SYNPR: variants seen among roughly 807,000 people sequenced by gnomAD.
SYNPR encodes the protein synaptoporin.
SYNPR carries 23 observed loss-of-function variants against 32.9 expected under a neutral mutation model. The observed-to-expected ratio is 0.70, with a 90% confidence interval of 0.50 to 0.99. The LOEUF (loss-of-function observed/expected upper bound fraction) is 0.99, where lower values mean the gene tolerates loss of function less well. Among genes scored for constraint, SYNPR ranks in the 50% least tolerant of loss-of-function variants. SYNPR has a pLI of 0.00. For synonymous variants in SYNPR, 146 were observed against 135.9 expected (o/e 1.07, Z -0.52); for missense variants, 318 against 349.3 (o/e 0.91, Z 0.71).
Position 63,300,699 on chromosome 3 carries a change from G to A in SYNPR, c.84+21957G>A, listed in dbSNP as rs575113659. ...TGGGATACAAAAGCCTAGCTTCCTT[G>A]CCTCAGGGTGGGACCAACTCTGGTA... On this transcript the variant is annotated intron_variant, in intron 2 of 5. Transcript: ENST00000478300. Among the ~76,000 whole-genome samples the A allele has an allele frequency of 2.6e-5, 4 of 152,148 alleles. No individual in the cohort carries two copies. In the East Asian group the frequency reaches 5.8e-4, roughly 22 times the overall value.
chr3:63,268,163 A>G (rs1026441759), intron 3 of SYNPR, among the ~76,000 whole-genome samples: 5 of 152,216 alleles, frequency 3.3e-5, no homozygotes, highest in Admixed American at 1.3e-4. Flanking sequence ...GACAGCCTTT[A>G]TTAAAGATTC....
At chr3:63,281,431 C>T (rs770073511) in intron 2 of SYNPR, among the ~76,000 whole-genome samples, 7 of 152,124 alleles carry the variant, frequency 4.6e-5, no homozygotes, top group Non-Finnish European at 7.3e-5. Context: ...TAACAAAACA[C>T]CATAAACTGG....
intron 4 of SYNPR, among the ~76,000 whole-genome samples, chr3:63,598,762 C>T (rs866576120): frequency 1.3e-5 from 2 of 152,122 alleles, no homozygotes; most frequent in African/African-American, 4.8e-5. Context: ...GCAGCCTCTT[C>T]ACTCTATGGG....
chr3:63,463,920 T>A (rs1235782386), intron 2 of SYNPR, among the ~76,000 whole-genome samples: 3 of 152,220 alleles, frequency 2.0e-5, no homozygotes, highest in African/African-American at 7.2e-5. Context: ...TTGATTCTGC[T>A]TCCTTTCACT....
chr3:63,494,421 A>ATATATATATATATATACACG (rs1701322605), intron 3 of SYNPR, among the ~76,000 whole-genome samples: 2 of 20,888 alleles, frequency 9.6e-5, no homozygotes, highest in East Asian at 1.2e-3. Context: ...ATATATACGT[A>ATATATATATATATATACACG]TATATATATA....
intron 2 of SYNPR, among the ~76,000 whole-genome samples, chr3:63,261,742 A>ATAAT: frequency 6.7e-6 from 1 of 148,402 alleles, no homozygotes; most frequent in South Asian, 2.1e-4. Context: ...AATAATAGTA[A>ATAAT]AACAAACCAT....
intron 3 of SYNPR, among the ~76,000 whole-genome samples, chr3:63,487,115 C>T (rs1453921537): frequency 2.0e-5 from 3 of 152,046 alleles, no homozygotes. Flanking sequence ...ATGTCATAAC[C>T]ACTGCGTCAA....
intron 3 of SYNPR, among the ~76,000 whole-genome samples, chr3:63,544,429 A>G (rs544565616): frequency 1.3e-5 from 2 of 152,086 alleles, no homozygotes; most frequent in African/African-American, 4.8e-5. Flanking sequence ...ACAGGATAAT[A>G]CCTTTTCAGT....
intron 2 of SYNPR, among the ~76,000 whole-genome samples, chr3:63,467,317 T>C (rs1700703462): frequency 6.6e-6 from 1 of 152,240 alleles, no homozygotes; most frequent in Non-Finnish European, 1.5e-5. Context: ...TCTTAAAGAA[T>C]GAGCAAGATA....
chr3:63,313,241 C>T (rs909413051), intron 2 of SYNPR, among the ~76,000 whole-genome samples: 1 of 151,820 alleles, frequency 6.6e-6, no homozygotes, highest in Admixed American at 6.6e-5. Context: ...TTATTTTTTA[C>T]TGGGGTACGG....
intron 3 of SYNPR, among the ~76,000 whole-genome samples, chr3:63,500,644 C>T (rs930577046): frequency 1.3e-5 from 2 of 152,144 alleles, no homozygotes; most frequent in Non-Finnish European, 2.9e-5. Context: ...CATTTTAAAA[C>T]CAAAAAGAAT....
At chr3:63,506,900 A>G (rs896773387) in intron 3 of SYNPR, among the ~76,000 whole-genome samples, 1 of 152,192 alleles carries the variant, frequency 6.6e-6, no homozygotes, top group African/African-American at 2.4e-5. Context: ...GATACCAAAT[A>G]GACTGCAGAC....
chr3:63,309,760 C>A (rs1480575319), intron 2 of SYNPR, among the ~76,000 whole-genome samples: 1 of 151,942 alleles, frequency 6.6e-6, no homozygotes, highest in African/African-American at 2.4e-5. Context: ...CACTCCTATG[C>A]TGAATACTCA....
intron 4 of SYNPR, among the ~76,000 whole-genome samples, chr3:63,586,521 A>C (rs7642139): frequency 0.16 from 24,556 of 151,898 alleles, 2,500 homozygotes; most frequent in African/African-American, 0.29. Flanking sequence ...CCAGCCATTG[A>C]ATTATCTTTA....
At chr3:63,271,797 C>T (rs1317349249) in intron 3 of SYNPR, among the ~76,000 whole-genome samples, 1 of 151,862 alleles carries the variant, frequency 6.6e-6, no homozygotes, top group African/African-American at 2.4e-5. Context: ...ATTTATATAG[C>T]ATCTATATAT....
At chr3:63,462,086 C>T (rs1700593953) in intron 2 of SYNPR, among the ~76,000 whole-genome samples, 1 of 152,096 alleles carries the variant, frequency 6.6e-6, no homozygotes. Flanking sequence ...AGCTTCCTTT[C>T]CTTTCCCCAA....
At chr3:63,567,206 T>A (rs557836919) in intron 4 of SYNPR, among the ~76,000 whole-genome samples, 1 of 152,190 alleles carries the variant, frequency 6.6e-6, no homozygotes, top group East Asian at 1.9e-4. Context: ...GGCACTCAGA[T>A]CTCATGGTTT....
At position 63,333,058 on chromosome 3, in the gene SYNPR, A is replaced by G. The variant is rs181484797; in HGVS notation, c.84+54316A>G. On this transcript the variant is annotated intron_variant, in intron 2 of 5. Transcript: ENST00000478300. ...ATCACTGGCTGAGAACCACTGCCTT[A>G]GAATAATAAGTCATATCCTAAAAAC... 2.8e-3 allele frequency among the ~76,000 whole-genome samples: 420 copies of G among 152,300 alleles called. 1 individual carries two copies. Among genetic ancestry groups the G allele is most frequent in the Non-Finnish European group, 4.8e-3 (329 of 68,022 alleles).
chr3:63,512,951 C>A (rs1701726436), intron 3 of SYNPR, among the ~76,000 whole-genome samples: 1 of 151,990 alleles, frequency 6.6e-6, no homozygotes, highest in Admixed American at 6.6e-5. Context: ...GTTTTCAACC[C>A]AGCCTCTATT....
Sources: allele counts gnomAD v4.1 joint callset (sites outside exome capture counted in the v4.1 genomes callset), GRCh38; gene constraint gnomAD v4.1.1; transcripts MANE v1.5; gene names NCBI Gene and HGNC (gene_info 2026-07-23, HGNC 2026-07-21).